SLC20A2: variants seen among roughly 807,000 people sequenced by gnomAD.
The protein encoded by SLC20A2 is sodium-dependent phosphate transporter 2.
Under a neutral mutation model 61.0 loss-of-function variants are expected in SLC20A2, and 30 were observed. The observed-to-expected ratio is 0.49, with a 90% CI of 0.37 to 0.67. The LOEUF (loss-of-function observed/expected upper bound fraction) is 0.67. Among genes scored for constraint, SLC20A2 ranks in the 30% least tolerant of loss-of-function variants. The probability of loss-of-function intolerance (pLI) is 0.00; values close to 1 mark genes in which losing one functional copy is unlikely to be tolerated. For missense variants in SLC20A2, 626 were observed against 866.4 expected (o/e 0.72, Z 3.48); for synonymous variants, 351 against 353.3 (o/e 0.99, Z 0.07).
At chr8:42,516,764 T>A (rs1447738004) in intron 1 of SLC20A2, among the ~76,000 whole-genome samples, 1 of 152,212 alleles carries the variant, frequency 6.6e-6, no homozygotes, top group Non-Finnish European at 1.5e-5. Context: ...CCTGCCTCCC[T>A]CGTTTGCCAA....
At chr8:42,484,727 C>A in intron 1 of SLC20A2, 1 of 367,846 alleles carries the variant, frequency 2.7e-6, no homozygotes, top group Non-Finnish European at 5.3e-6. Flanking sequence ...GGCTGGCAGC[C>A]ACCATGATCC....
intron 4 of SLC20A2, among the ~76,000 whole-genome samples, chr8:42,461,266 C>T (rs1806676207): frequency 1.3e-5 from 2 of 151,992 alleles, no homozygotes; most frequent in South Asian, 4.2e-4. Context: ...TGATGTATCA[C>T]GTGAAAAGAA....
chr8:42,509,758 A>G (rs560096303), intron 1 of SLC20A2, among the ~76,000 whole-genome samples: 2 of 152,132 alleles, frequency 1.3e-5, no homozygotes, highest in Admixed American at 1.3e-4. Context: ...TGTCTCAACA[A>G]AACAAAACAA....
chr8:42,526,163 T>G (rs1052105697), intron 1 of SLC20A2, among the ~76,000 whole-genome samples: 4 of 152,120 alleles, frequency 2.6e-5, no homozygotes, highest in Admixed American at 6.5e-5. Flanking sequence ...AAGGTCAACA[T>G]CAACACTGAT....
intron 1 of SLC20A2, among the ~76,000 whole-genome samples, chr8:42,494,743 G>A (rs933792086): frequency 5.9e-5 from 9 of 152,114 alleles, no homozygotes; most frequent in African/African-American, 1.7e-4. Flanking sequence ...CATAAATCTT[G>A]TATAGTCTAA....
intron 10 of SLC20A2, among the ~76,000 whole-genome samples, chr8:42,421,188 T>TA (rs1803015926): frequency 6.6e-6 from 1 of 152,148 alleles, no homozygotes. Flanking sequence ...ATTTCTTTTT[T>TA]AAAAAATTAT....
intron 10 of SLC20A2, among the ~76,000 whole-genome samples, chr8:42,423,588 A>G (rs1803185025): frequency 1.3e-5 from 2 of 152,206 alleles, no homozygotes; most frequent in African/African-American, 2.4e-5. Context: ...TATGATCAGT[A>G]GCGTAAAAAC....
At chr8:42,430,852 T>C (rs1803816890) in intron 8 of SLC20A2, among the ~76,000 whole-genome samples, 2 of 152,318 alleles carry the variant, frequency 1.3e-5, no homozygotes, top group South Asian at 4.1e-4. Context: ...TGATCTTTTA[T>C]GTTACTATTA....
intron 1 of SLC20A2, among the ~76,000 whole-genome samples, chr8:42,533,338 A>G (rs928573498): frequency 6.6e-6 from 1 of 152,128 alleles, no homozygotes; most frequent in African/African-American, 2.4e-5. Flanking sequence ...CTATTGGGCC[A>G]GGTGCAGTGG....
intron 5 of SLC20A2, among the ~76,000 whole-genome samples, chr8:42,458,032 GA>G (rs1214091372): frequency 6.6e-6 from 1 of 152,162 alleles, no homozygotes; most frequent in Non-Finnish European, 1.5e-5. Context: ...TCATTTAGCA[GA>G]AATTTCATCT....
intron 1 of SLC20A2, among the ~76,000 whole-genome samples, chr8:42,492,963 G>A (rs1236624120): frequency 6.6e-6 from 1 of 152,182 alleles, no homozygotes; most frequent in African/African-American, 2.4e-5. Context: ...TTACAGGCGT[G>A]AGCCACCACG....
rs149691351 is a variant in SLC20A2, at chr8:42,479,567, G to A, written c.-264-6913C>T. On this transcript the variant is annotated intron_variant, in intron 1 of 10. Coordinates refer to ENST00000520262, the MANE Select transcript of SLC20A2 (RefSeq NM_001257180.2). ...TAGCTGGGCGCAGTGGCTCATGCCT[G>A]TAATCCCAGCACTTTGGGAGGCCTG... Among the ~76,000 whole-genome samples the A allele has an allele frequency of 9.2e-5, 14 of 152,240 alleles. No homozygotes were observed. The East Asian group carries it at 2.5e-3, about 27-fold the overall frequency.
In SLC20A2 at chr8:42,465,065, G is replaced by A. The variant is rs1046771451; in HGVS notation, c.430+712C>T. ...AAAATATATTACTCATACCATCTACGTCTTTTTTTTGAGACAGAGTCTTGC... is the reference window on the plus strand; with the variant it reads ...AAAATATATTACTCATACCATCTACATCTTTTTTTTGAGACAGAGTCTTGC... On this transcript the variant is annotated intron_variant, in intron 3 of 10. Transcript: ENST00000520262. Among the ~76,000 whole-genome samples the A allele has an allele frequency of 3.3e-5, 5 of 151,810 alleles. No individual in the cohort carries two copies. The East Asian group carries it at 5.9e-4, about 18-fold the overall frequency.
intron 1 of SLC20A2, among the ~76,000 whole-genome samples, chr8:42,524,612 C>A (rs1811800964): frequency 6.6e-6 from 1 of 151,888 alleles, no homozygotes; most frequent in Non-Finnish European, 1.5e-5. Flanking sequence ...ATGGTGAAAC[C>A]CTGTCTCTAC....
chr8:42,507,889 G>A (rs1313619957), intron 1 of SLC20A2, among the ~76,000 whole-genome samples: 1 of 152,256 alleles, frequency 6.6e-6, no homozygotes, highest in African/African-American at 2.4e-5. Context: ...GCCCGGCGCG[G>A]TGGCTCATGC....
At chr8:42,502,561 C>G (rs1392122632), upstream of SLC20A2, 1 of 152,296 alleles carries the variant, frequency 6.6e-6, no homozygotes, top group Non-Finnish European at 1.5e-5. Context: ...TGGACATCAC[C>G]AGCACAATCT....
intron 1 of SLC20A2, among the ~76,000 whole-genome samples, chr8:42,506,952 T>G (rs1337010162): frequency 6.6e-6 from 1 of 152,186 alleles, no homozygotes; most frequent in African/African-American, 2.4e-5. Context: ...CGCCCTGGCT[T>G]GCCTACTACA....
chr8:42,459,235 C>CAAAAAAAAAAAAAAAAAA (rs756966778), intron 5 of SLC20A2, among the ~76,000 whole-genome samples: 4 of 36,084 alleles, frequency 1.1e-4, no homozygotes, highest in Non-Finnish European at 1.5e-4. Context: ...GACTCTATCT[C>CAAAAAAAAAAAAAAAAAA]AAAAAAAAAA....
chr8:42,439,956 G>C (rs1386306783), intron 6 of SLC20A2, among the ~76,000 whole-genome samples: 1 of 151,776 alleles, frequency 6.6e-6, no homozygotes, highest in Non-Finnish European at 1.5e-5. Flanking sequence ...GTGGTGGCAG[G>C]CGCCTGTAAT....
Sources: gnomAD v4.1 joint callset for allele counts (sites outside exome capture counted in the v4.1 genomes callset) on GRCh38, gnomAD v4.1.1 for gene constraint, MANE v1.5 for transcripts, NCBI Gene and HGNC (gene_info 2026-07-23, HGNC 2026-07-21) for gene names.